The following TLE4 variants were observed in gnomAD, a reference collection of about 807,000 sequenced individuals.
TLE4 encodes the protein TLE family member 4, transcriptional corepressor, also known as transducin-like enhancer protein 4.
A neutral mutation model predicts 92.8 loss-of-function variants in TLE4; 8 were observed. The observed-to-expected ratio is 0.09, with a 90% CI of 0.05 to 0.16. The LOEUF is 0.16. TLE4 is among the 10% of genes least tolerant of loss of function. TLE4 has a pLI of 1.00. For synonymous variants in TLE4, 371 were observed against 374.1 expected, an observed-to-expected ratio of 0.99 and a Z score of 0.10; for missense variants, 675 against 997.6, an observed-to-expected ratio of 0.68 and a Z score of 4.36.
intron 8 of TLE4, chr9:79,671,457 T>C (rs1310664847): frequency 1.8e-5 from 6 of 337,106 alleles, no homozygotes; most frequent in Non-Finnish European, 3.7e-5. Flanking sequence ...ATCTGTAAAA[T>C]GGACTTCTCC....
chr9:79,635,576 T>G (rs916166617), intron 6 of TLE4, among the ~76,000 whole-genome samples: 4 of 151,708 alleles, frequency 2.6e-5, no homozygotes, highest in Non-Finnish European at 5.9e-5. Context: ...AGTTGAGGTT[T>G]TTTTTTTTTT....
chr9:79,715,632 C>T (rs948394201), intron 14 of TLE4, among the ~76,000 whole-genome samples: 1 of 152,118 alleles, frequency 6.6e-6, no homozygotes, highest in Non-Finnish European at 1.5e-5. Flanking sequence ...TGGACTACCC[C>T]CTCTTCCACC....
intron 4 of TLE4, among the ~76,000 whole-genome samples, chr9:79,603,373 C>T (rs1243498937): frequency 1.3e-5 from 2 of 152,160 alleles, no homozygotes; most frequent in Middle Eastern, 3.2e-3. Context: ...AGCCCTCCAA[C>T]TTTCAGCAAC....
At chr9:79,619,764 G>A (rs897648656) in intron 5 of TLE4, among the ~76,000 whole-genome samples, 3 of 152,190 alleles carry the variant, frequency 2.0e-5, no homozygotes, top group Non-Finnish European at 2.9e-5. Flanking sequence ...GTCCTAAAAT[G>A]AATAATAGAC....
chr9:79,596,338 A>G (rs963404601), intron 4 of TLE4, among the ~76,000 whole-genome samples: 2 of 152,194 alleles, frequency 1.3e-5, no homozygotes, highest in Non-Finnish European at 2.9e-5. Flanking sequence ...TAGGGCAAGT[A>G]TCTGTTCACC....
chr9:79,610,411 C>T (rs1397405737), intron 4 of TLE4, among the ~76,000 whole-genome samples: 1 of 151,998 alleles, frequency 6.6e-6, no homozygotes, highest in Non-Finnish European at 1.5e-5. Context: ...TAAATGATGC[C>T]TCCCTAAAGC....
rs576560737 is a variant in TLE4, at chr9:79,573,476, G to A, written c.46-213G>A. 30 of 1,012,256 alleles carry A rather than the reference G, an allele frequency of 3.0e-5. No individual in the cohort carries two copies. In the African/African-American group the frequency reaches 5.0e-4, roughly 17 times the overall value. The allele number at this position is 1,012,256 out of a possible 1,614,324, so 62.7% of individuals were successfully genotyped here. A position where few individuals can be genotyped will look rare whatever the true frequency, so the allele number is the denominator to read the frequency against. ...GGGGTCCGGGGCGCGGGGGCCTGCG[G>A]GCGGGAGTATGCGGGGCCCCAGGAC... On this transcript the variant is annotated intron_variant, in intron 1 of 19. Coordinates refer to ENST00000376552, the MANE Select transcript of TLE4 (RefSeq NM_007005.6).
At chr9:79,707,268 A>C in intron 11 of TLE4, 6 of 1,457,338 alleles carry the variant, frequency 4.1e-6, no homozygotes, top group Non-Finnish European at 4.8e-6. Flanking sequence ...GCTTTGTTTG[A>C]ATTACCAAGC....
At position 79,718,839 on chromosome 9, in the gene TLE4, C is replaced by T. The variant is rs61742686; in HGVS notation, c.1458C>T (p.His486=). The part of the protein sequence containing the change: ...RHARQINTLN[H]GEVVCAVTIS... Reference sequence around the variant, plus strand: ...CTCGCCAGATCAACACCCTCAACCACGGGGAGGTGGTGTGCGCGGTGACCA... The same window carrying T: ...CTCGCCAGATCAACACCCTCAACCATGGGGAGGTGGTGTGCGCGGTGACCA... The change falls in exon 15 of 20, where the codon CAC becomes CAT. Residue 486 remains histidine (H), a synonymous_variant. Coordinates refer to ENST00000376552, the MANE Select transcript of TLE4 (RefSeq NM_007005.6). 1.4e-3 allele frequency: 2,235 copies of T among 1,614,132 alleles called. 27 individuals carry two copies. In the African/African-American group the frequency reaches 0.027, roughly 19 times the overall value.
chr9:79,577,422 A>G (rs1177988500), intron 4 of TLE4, among the ~76,000 whole-genome samples: 1 of 152,200 alleles, frequency 6.6e-6, no homozygotes, highest in African/African-American at 2.4e-5. Flanking sequence ...TTTGTATGCT[A>G]TTTGGTTATG....
chr9:79,665,898 C>T (rs2061316130), intron 8 of TLE4, among the ~76,000 whole-genome samples: 1 of 152,154 alleles, frequency 6.6e-6, no homozygotes, highest in Non-Finnish European at 1.5e-5. Flanking sequence ...CTAGTTGTTA[C>T]TTGAAGCCAG....
intron 8 of TLE4, among the ~76,000 whole-genome samples, chr9:79,678,209 G>C (rs1427936351): frequency 6.6e-6 from 1 of 152,030 alleles, no homozygotes. Flanking sequence ...AGTTATGTAC[G>C]TGAATCTGCC....
In TLE4 at chr9:79,726,289, A is replaced by ATGT. The variant is rs142077492; in HGVS notation, c.*1157_*1159dup. 4 of 152,474 alleles carry ATGT rather than the reference A, an allele frequency of 2.6e-5. No individual in the cohort carries two copies. Among genetic ancestry groups the ATGT allele is most frequent in the South Asian group, 2.1e-4 (1 of 4,826 alleles). 9.4% of individuals were successfully genotyped at this position (152,474 alleles called of 1,614,324 possible). The stretch of plus-strand genomic sequence containing the variant: ...TGCCAGAAACATTGTGTTATCTTTT[A>ATGT]TGTTGTTGTTGTTGCTGTTAAACTA... On this transcript the variant is annotated 3_prime_UTR_variant, in exon 20 of 20. Coordinates refer to ENST00000376552, the MANE Select transcript of TLE4 (RefSeq NM_007005.6).
chr9:79,596,545 T>G (rs1189671379), intron 4 of TLE4, among the ~76,000 whole-genome samples: 1 of 152,116 alleles, frequency 6.6e-6, no homozygotes, highest in African/African-American at 2.4e-5. Flanking sequence ...CCATCCCACT[T>G]TAGATCTGTT....
At chr9:79,578,185 C>T (rs978138196) in intron 4 of TLE4, among the ~76,000 whole-genome samples, 3 of 152,250 alleles carry the variant, frequency 2.0e-5, no homozygotes, top group Middle Eastern at 3.4e-3. Context: ...CAGATGTACT[C>T]GCTGGATACC....
chr9:79,709,465 T>C (rs1008616221), intron 13 of TLE4, among the ~76,000 whole-genome samples, 158 bp from the exon 14 acceptor site: 2 of 152,186 alleles, frequency 1.3e-5, no homozygotes, highest in African/African-American at 2.4e-5. Flanking sequence ...ATCCTAAACA[T>C]TGGTTATCAT....
At position 79,606,187 on chromosome 9, in the gene TLE4, G is replaced by GTTTTTTTTTTTTTTTTT. The variant is rs71364420; in HGVS notation, c.253-6447_253-6431dup. Among the ~76,000 whole-genome samples the GTTTTTTTTTTTTTTTTT allele has an allele frequency of 2.1e-3, 59 of 28,714 alleles. 23 individuals carry two copies. Among genetic ancestry groups the GTTTTTTTTTTTTTTTTT allele is most frequent in the Non-Finnish European group, 3.0e-3 (47 of 15,504 alleles). 18.8% of individuals were successfully genotyped at this position (28,714 alleles called of 152,430 possible). ...ATTGCTTTATTAAGCAGTAGTAGTT[G>GTTTTTTTTTTTTTTTTT]TTTTTTTTTTTTTTTTTTTTTTTTT... On this transcript the variant is annotated intron_variant, in intron 4 of 19. Coordinates refer to ENST00000376552, the MANE Select transcript of TLE4 (RefSeq NM_007005.6).
intron 8 of TLE4, among the ~76,000 whole-genome samples, chr9:79,675,931 C>T (rs765787054): frequency 6.6e-6 from 1 of 152,152 alleles, no homozygotes; most frequent in African/African-American, 2.4e-5. Flanking sequence ...ATTTTAAATG[C>T]GCAATGAACA....
chr9:79,706,588 A>G (rs2071635427), intron 10 of TLE4, among the ~76,000 whole-genome samples, 159 bp from the exon 11 acceptor site: 1 of 151,796 alleles, frequency 6.6e-6, no homozygotes, highest in African/African-American at 2.4e-5. Context: ...AATACTGAAT[A>G]TTTTCGTTAG....
Sources: allele counts gnomAD v4.1 joint callset (sites outside exome capture counted in the v4.1 genomes callset), GRCh38; gene constraint gnomAD v4.1.1; transcripts MANE v1.5; gene names NCBI Gene and HGNC (gene_info 2026-07-23, HGNC 2026-07-21).